Variants in TUBGCP5 observed in about 807,000 individuals in gnomAD.
The protein encoded by TUBGCP5 is gamma-tubulin complex component 5.
TUBGCP5 carries 98 observed loss-of-function variants against 134.7 expected under a neutral mutation model. The observed-to-expected ratio is 0.73, with a 90% CI of 0.62 to 0.86. The LOEUF is 0.86. Ranked by LOEUF, TUBGCP5 falls within the 40% of genes least tolerant of loss-of-function variation. The pLI is 0.00. For synonymous variants in TUBGCP5, 456 were observed against 431.4 expected (o/e 1.06, Z -0.71); for missense variants, 1,150 against 1,244.8 (o/e 0.92, Z 1.15).
chr15:23,005,929 TC>T, intron 18 of TUBGCP5, 122 bp downstream of exon 18: 1 of 1,101,248 alleles, frequency 9.1e-7, no homozygotes, highest in Non-Finnish European at 1.2e-6. Context: ...TAAAAAATGA[TC>T]AACAACCACC....
rs79981510 is a variant in TUBGCP5 at position 23,032,279 on chromosome 15, A to G, written c.407-250T>C. 3.7e-3 allele frequency among the ~76,000 whole-genome samples: 565 copies of G among 152,266 alleles called. 2 individuals are homozygous for G. Among genetic ancestry groups the G allele is most frequent in the Non-Finnish European group, 6.3e-3 (431 of 68,012 alleles). Reference sequence around the variant, plus strand: ...TTAGAACGAATACAGTCATCCCTCAATATCTGAGGGGAATTGGTTCCAGGA... The same window carrying G: ...TTAGAACGAATACAGTCATCCCTCAGTATCTGAGGGGAATTGGTTCCAGGA... On this transcript the variant is annotated intron_variant, in intron 4 of 22. Coordinates refer to ENST00000615383, the MANE Select transcript of TUBGCP5 (RefSeq NM_052903.6).
intron 1 of TUBGCP5, among the ~76,000 whole-genome samples, 153 bp downstream of exon 1, chr15:23,039,245 G>A (rs2066775675): frequency 6.6e-6 from 1 of 151,806 alleles, no homozygotes; most frequent in Non-Finnish European, 1.5e-5. Flanking sequence ...CCGGCGGGGA[G>A]CAGGCGGTGG....
chr15:23,030,064 A>G lies in TUBGCP5; in HGVS notation c.622+821T>C, dbSNP rs920380181. Reference sequence around the variant, plus strand: ...ACAAAAATTAACTGGGTATGGTGGCACTCACCTGTAGTTCCAGCTACTCAG... The same window carrying G: ...ACAAAAATTAACTGGGTATGGTGGCGCTCACCTGTAGTTCCAGCTACTCAG... On this transcript the variant is annotated intron_variant, in intron 6 of 22. Coordinates refer to ENST00000615383, the MANE Select transcript of TUBGCP5 (RefSeq NM_052903.6). Among the ~76,000 whole-genome samples the G allele has an allele frequency of 5.1e-4, 77 of 152,084 alleles. 2 individuals are homozygous for G. Among genetic ancestry groups the G allele is most frequent in the Non-Finnish European group, 3.7e-4 (25 of 68,008 alleles).
chr15:22,984,541 A>T (rs189900872), intron 23 of TUBGCP5, among the ~76,000 whole-genome samples: 1 of 152,200 alleles, frequency 6.6e-6, no homozygotes, highest in African/African-American at 2.4e-5. Flanking sequence ...AATCACTTGA[A>T]TCCAGGAGAC....
chr15:22,987,895 CAAAAAAAAAAAAAA>C (rs869168765), intron 23 of TUBGCP5, among the ~76,000 whole-genome samples: 2 of 20,468 alleles, frequency 9.8e-5, no homozygotes, highest in Admixed American at 7.9e-4. Flanking sequence ...GACTCCATCT[CAAAAAAAAAAAAAA>C]AAAAAAAAAA....
intron 19 of TUBGCP5, 178 bp from the exon 20 acceptor site, chr15:23,004,405 G>A (rs1270691503): frequency 1.4e-6 from 1 of 709,458 alleles, no homozygotes; most frequent in African/African-American, 1.9e-5. Flanking sequence ...CTGGCGTTCT[G>A]ATCCTAAGAG....
intron 22 of TUBGCP5, 28 bp from the exon 23 acceptor site, chr15:22,999,894 A>T (rs751299025): frequency 6.2e-7 from 1 of 1,611,622 alleles, no homozygotes; most frequent in South Asian, 1.1e-5. Context: ...ATAAGGTTAA[A>T]ACAATAGGTT....
At chr15:23,005,693 G>A (rs2064667784) in intron 18 of TUBGCP5, 83 bp from the exon 19 acceptor site, 1 of 1,405,488 alleles carries the variant, frequency 7.1e-7, no homozygotes, top group African/African-American at 1.4e-5. Context: ...CAGAAACACT[G>A]ACGGATGTGG....
exon 24 of TUBGCP5, chr15:22,983,579 C>CGATAGG (rs1299960160): frequency 1.3e-5 from 2 of 150,800 alleles, no homozygotes; most frequent in Non-Finnish European, 3.0e-5. Flanking sequence ...CCAGCCTGGG[C>CGATAGG]GATAGAGTGA....
rs747949215 is a variant in TUBGCP5 at position 23,008,809 on chromosome 15, G to A, written c.2217C>T (p.Tyr739=). ...CTCTTATTTTATCAAAAATTGACGT[G>A]TAGAAGTCATACATGGTATCTCCTC... The part of the protein sequence containing the change: ...MEGGDTMYDF[Y]TSIFDKIREK... Residue 739 remains tyrosine (Y), a synonymous_variant, in exon 16 of 23, where the codon TAC becomes TAT. Coordinates refer to ENST00000615383, the MANE Select transcript of TUBGCP5 (RefSeq NM_052903.6). 1 of 1,601,356 alleles carries A rather than the reference G, an allele frequency of 6.2e-7. No individual in the cohort carries two copies. The highest frequency in any genetic ancestry group is 1.1e-5 in the South Asian group (1 of 87,646).
downstream of TUBGCP5, among the ~76,000 whole-genome samples, chr15:22,997,735 A>G (rs553645561): frequency 6.6e-6 from 1 of 151,572 alleles, no homozygotes; most frequent in Non-Finnish European, 1.5e-5. Flanking sequence ...CTCTGGCCTC[A>G]GCCTCCTGAG....
intron 6 of TUBGCP5, among the ~76,000 whole-genome samples, chr15:23,029,335 C>A (rs1313350228): frequency 6.6e-6 from 1 of 152,178 alleles, no homozygotes; most frequent in Admixed American, 6.5e-5. Context: ...GATTCTTCTG[C>A]TTCAGCCTCC....
intron 1 of TUBGCP5, among the ~76,000 whole-genome samples, chr15:23,037,597 G>T (rs932958257): frequency 6.6e-6 from 1 of 152,146 alleles, no homozygotes; most frequent in African/African-American, 2.4e-5. Context: ...AGAAGTTTAA[G>T]ATATGGCAAG....
chr15:23,009,638 G>GC (rs34271495), intron 15 of TUBGCP5, among the ~76,000 whole-genome samples: 20,483 of 152,062 alleles, frequency 0.13, 1,806 homozygotes, highest in East Asian at 0.46. Flanking sequence ...TTATGGATAT[G>GC]CATAGTTTAA....
chr15:23,024,328 T>C, intron 9 of TUBGCP5, 135 bp from the exon 10 acceptor site: 1 of 892,928 alleles, frequency 1.1e-6, no homozygotes, highest in Non-Finnish European at 1.6e-6. Flanking sequence ...AGTAATAATA[T>C]GATTAATATT....
At chr15:23,005,837 A>C in intron 18 of TUBGCP5, 1 of 676,008 alleles carries the variant, frequency 1.5e-6, no homozygotes, top group East Asian at 2.7e-5. Context: ...CTGTACATAC[A>C]ACTTCCTGAT....
chr15:23,039,134 C>G lies in TUBGCP5; in HGVS notation c.146+264G>C, dbSNP rs1595922821. Reference sequence around the variant, plus strand: ...GCGCTGGGGTTGCAGGCGCGCGCGCCGGCCGGCAAGAAACCCAGTTCACGC... The same window carrying G: ...GCGCTGGGGTTGCAGGCGCGCGCGCGGGCCGGCAAGAAACCCAGTTCACGC... On this transcript the variant is annotated intron_variant, in intron 1 of 22. Coordinates refer to ENST00000615383, the MANE Select transcript of TUBGCP5 (RefSeq NM_052903.6). Among the ~76,000 whole-genome samples the G allele has an allele frequency of 1.3e-5, 2 of 152,058 alleles. 1 individual carries two copies. Among genetic ancestry groups the G allele is most frequent in the Admixed American group, 1.3e-4 (2 of 15,276 alleles).
chr15:23,015,673 C>T lies in TUBGCP5; in HGVS notation c.1756+2100G>A, dbSNP rs373273491. ...AAGTGCTGGGATTATAGGCGTGAGCCACCACGCCCAGCCAACTGTGCCACT... is the reference window on the plus strand; with the variant it reads ...AAGTGCTGGGATTATAGGCGTGAGCTACCACGCCCAGCCAACTGTGCCACT... On this transcript the variant is annotated intron_variant, in intron 13 of 22. Coordinates refer to ENST00000615383, the MANE Select transcript of TUBGCP5 (RefSeq NM_052903.6). 1.1e-4 allele frequency among the ~76,000 whole-genome samples: 16 copies of T among 152,216 alleles called. No homozygotes were observed. The East Asian group carries it at 2.9e-3, about 28-fold the overall frequency.
rs138709235 is a variant in TUBGCP5 at position 23,029,774 on chromosome 15, G to A, written c.622+1111C>T. On this transcript the variant is annotated intron_variant, in intron 6 of 22. Transcript: ENST00000615383. ...TACACGCCTGTAACCCCAGCTACTCGGGAAACTGAGGCAGGAGAATTGTTT... is the reference window on the plus strand; with the variant it reads ...TACACGCCTGTAACCCCAGCTACTCAGGAAACTGAGGCAGGAGAATTGTTT... Among the ~76,000 whole-genome samples the A allele has an allele frequency of 2.4e-3, 372 of 152,022 alleles. 4 individuals carry two copies. Among genetic ancestry groups the A allele is most frequent in the African/African-American group, 8.6e-3 (358 of 41,446 alleles).
Sources: gnomAD v4.1 joint callset for allele counts (sites outside exome capture counted in the v4.1 genomes callset) on GRCh38, gnomAD v4.1.1 for gene constraint, MANE v1.5 for transcripts, NCBI Gene and HGNC (gene_info 2026-07-23, HGNC 2026-07-21) for gene names.